The following ZNF385D variants were observed in gnomAD, a reference collection of about 807,000 sequenced individuals.
ZNF385D encodes the protein zinc finger protein 385D.
A neutral mutation model predicts 35.8 loss-of-function variants in ZNF385D; 15 were observed. The observed-to-expected ratio is 0.42, with a 90% confidence interval of 0.28 to 0.64. ZNF385D has a LOEUF of 0.64. ZNF385D is among the 30% of genes least tolerant of loss of function. ZNF385D has a pLI of 0.23. For synonymous variants in ZNF385D, 212 were observed against 186.8 expected (o/e 1.13, Z -1.10); for missense variants, 474 against 494.6 (o/e 0.96, Z 0.39).
chr3:22,064,189 G>C lies in ZNF385D; in HGVS notation c.325+104628C>G, dbSNP rs553980485. ...TCAGTCTTGTCTTTCATGGTGATTA[G>C]CTCAGGAGAAGCCATGACAGTTTGC... On this transcript the variant is annotated intron_variant, in intron 3 of 5. Transcript: ENST00000494108. Among the ~76,000 whole-genome samples the C allele has an allele frequency of 3.3e-5, 5 of 152,292 alleles. No individual in the cohort carries two copies. In the East Asian group the frequency reaches 9.7e-4, roughly 29 times the overall value.
intron 3 of ZNF385D, among the ~76,000 whole-genome samples, chr3:22,095,749 C>A (rs1250035207): frequency 1.3e-5 from 2 of 151,778 alleles, no homozygotes; most frequent in Admixed American, 6.6e-5. Context: ...GAGATAATTT[C>A]ATTATGTGGC....
At chr3:21,731,345 A>AT (rs2068986785) in intron 1 of ZNF385D, among the ~76,000 whole-genome samples, 1 of 152,022 alleles carries the variant, frequency 6.6e-6, no homozygotes, top group South Asian at 2.1e-4. Context: ...TTAATAGACT[A>AT]TTTTTTAGAG....
chr3:22,049,022 C>A (rs555791052), intron 3 of ZNF385D, among the ~76,000 whole-genome samples: 1 of 151,976 alleles, frequency 6.6e-6, no homozygotes, highest in Non-Finnish European at 1.5e-5. Context: ...ATTGGCCGGG[C>A]GTAGTGGCTC....
chr3:22,108,212 T>C (rs1271411071), intron 3 of ZNF385D, among the ~76,000 whole-genome samples: 2 of 152,118 alleles, frequency 1.3e-5, no homozygotes, highest in Non-Finnish European at 2.9e-5. Context: ...CACACATATA[T>C]AGAGGACACA....
intron 2 of ZNF385D, among the ~76,000 whole-genome samples, chr3:22,212,532 AAT>A (rs1251418213): frequency 1.3e-5 from 2 of 151,968 alleles, no homozygotes; most frequent in African/African-American, 2.4e-5. Flanking sequence ...TCTTGGAATT[AAT>A]ATGTCTCTAA....
Position 22,038,029 on chromosome 3 carries a change from A to G in ZNF385D, c.325+130788T>C, listed in dbSNP as rs530020852. On this transcript the variant is annotated intron_variant, in intron 3 of 5. Transcript: ENST00000494108. ...CTGGGAAAACTGGCTAGCCATATGTAGAAAGCTGAAACTGGATCCCTTCCT... is the reference window on the plus strand; with the variant it reads ...CTGGGAAAACTGGCTAGCCATATGTGGAAAGCTGAAACTGGATCCCTTCCT... Among the ~76,000 whole-genome samples the G allele has an allele frequency of 5.3e-5, 8 of 152,264 alleles. No homozygotes were observed. The East Asian group carries it at 9.7e-4, about 18-fold the overall frequency.
intron 2 of ZNF385D, among the ~76,000 whole-genome samples, chr3:22,207,313 A>C (rs1296439128): frequency 6.6e-6 from 1 of 151,976 alleles, no homozygotes; most frequent in Non-Finnish European, 1.5e-5. Context: ...ATTTTCAACA[A>C]AGGTGTCAAG....
intron 2 of ZNF385D, among the ~76,000 whole-genome samples, chr3:21,593,892 A>G (rs2064054741): frequency 6.6e-6 from 1 of 152,146 alleles, no homozygotes; most frequent in Non-Finnish European, 1.5e-5. Flanking sequence ...AGGCCTTCTG[A>G]TGGATTTATC....
chr3:22,349,606 A>C (rs2125494467), intron 2 of ZNF385D, among the ~76,000 whole-genome samples: 1 of 152,292 alleles, frequency 6.6e-6, no homozygotes. Flanking sequence ...CTGGGACCAA[A>C]CCCAAGGTTT....
chr3:21,865,218 A>G (rs1697281934), intron 3 of ZNF385D, among the ~76,000 whole-genome samples: 1 of 151,650 alleles, frequency 6.6e-6, no homozygotes, highest in Non-Finnish European at 1.5e-5. Context: ...GGGCTTCCGG[A>G]TCCCTTAAGA....
At chr3:21,540,388 GA>G (rs2062144166) in intron 3 of ZNF385D, among the ~76,000 whole-genome samples, 1 of 152,160 alleles carries the variant, frequency 6.6e-6, no homozygotes, top group African/African-American at 2.4e-5. Context: ...CCCCTCGGGG[GA>G]TGATTTGTAC....
intron 3 of ZNF385D, among the ~76,000 whole-genome samples, chr3:21,843,807 C>G (rs1221774436): frequency 1.3e-5 from 2 of 151,832 alleles, no homozygotes; most frequent in Non-Finnish European, 2.9e-5. Flanking sequence ...TTCAAAGGGT[C>G]CCAGGTGGTA....
At chr3:22,146,631 T>G (rs1450506632) in intron 3 of ZNF385D, among the ~76,000 whole-genome samples, 1 of 152,162 alleles carries the variant, frequency 6.6e-6, no homozygotes, top group African/African-American at 2.4e-5. Context: ...AATAATAACT[T>G]TTCTCTAATA....
At chr3:21,617,852 C>T (rs2064893207) in intron 2 of ZNF385D, among the ~76,000 whole-genome samples, 1 of 152,116 alleles carries the variant, frequency 6.6e-6, no homozygotes, top group South Asian at 2.1e-4. Context: ...CCTCCTTCAC[C>T]CCTAAGAAGT....
At chr3:22,278,191 TA>T (rs1171279902) in intron 2 of ZNF385D, among the ~76,000 whole-genome samples, 1 of 152,040 alleles carries the variant, frequency 6.6e-6, no homozygotes, top group Non-Finnish European at 1.5e-5. Flanking sequence ...TTTAATACGT[TA>T]AGTTTAAAAA....
intron 3 of ZNF385D, among the ~76,000 whole-genome samples, chr3:22,091,414 C>T (rs572719870): frequency 6.6e-6 from 1 of 152,238 alleles, no homozygotes; most frequent in South Asian, 2.1e-4. Flanking sequence ...TAACAGAAAT[C>T]AAAAGATAGC....
chr3:21,708,893 C>T (rs2068001467), intron 1 of ZNF385D, among the ~76,000 whole-genome samples: 1 of 151,368 alleles, frequency 6.6e-6, no homozygotes, highest in Non-Finnish European at 1.5e-5. Flanking sequence ...ACACTAACAA[C>T]AACAATAATA....
intron 3 of ZNF385D, among the ~76,000 whole-genome samples, chr3:22,108,781 G>A (rs982621733): frequency 6.6e-6 from 1 of 152,200 alleles, no homozygotes; most frequent in African/African-American, 2.4e-5. Context: ...GGGAGGCTGA[G>A]ATGGGTGGAT....
At chr3:21,835,765 T>G (rs1695291337) in intron 3 of ZNF385D, among the ~76,000 whole-genome samples, 1 of 152,100 alleles carries the variant, frequency 6.6e-6, no homozygotes, top group South Asian at 2.1e-4. Context: ...ACTAATGGTG[T>G]GTCATTTCCA....
Sources: allele counts gnomAD v4.1 joint callset (sites outside exome capture counted in the v4.1 genomes callset), GRCh38; gene constraint gnomAD v4.1.1; transcripts MANE v1.5; gene names NCBI Gene and HGNC (gene_info 2026-07-23, HGNC 2026-07-21).